SORCS1: variants seen among roughly 807,000 people sequenced by gnomAD.
SORCS1 encodes sortilin related VPS10 domain containing receptor 1, also known as VPS10 domain-containing receptor SorCS1.
SORCS1 carries 60 observed loss-of-function variants against 146.1 expected under a neutral mutation model. The ratio of observed to expected loss-of-function variants is 0.41; its 90% CI spans 0.33 to 0.51. SORCS1 has a LOEUF of 0.51. Ranked by LOEUF, SORCS1 falls within the 20% of genes least tolerant of loss-of-function variation. The pLI, the probability that SORCS1 is intolerant of heterozygous loss-of-function variation, is 0.21. For synonymous variants in SORCS1, 637 were observed against 584.0 expected, an observed-to-expected ratio of 1.09 and a Z score of -1.31; for missense variants, 1,352 against 1,487.6, an observed-to-expected ratio of 0.91 and a Z score of 1.50.
rs1335304863 is a variant in SORCS1 at position 106,576,432 on chromosome 10, T to A, written c.*988A>T. 1 of 152,210 alleles carries A rather than the reference T, an allele frequency of 6.6e-6. No individual in the cohort carries two copies. Among genetic ancestry groups the A allele is most frequent in the Non-Finnish European group, 1.5e-5 (1 of 68,068 alleles). 9.4% of individuals were successfully genotyped at this position (152,210 alleles called of 1,614,324 possible). ...GAAGAGATTCAAAGATATCAACAGA[T>A]CATGGTCACACATGGATGACAAACA... On this transcript the variant is annotated 3_prime_UTR_variant, in exon 26 of 26. Coordinates refer to ENST00000263054, the MANE Select transcript of SORCS1 (RefSeq NM_052918.5).
At chr10:106,999,003 G>A (rs1428589140) in intron 1 of SORCS1, among the ~76,000 whole-genome samples, 1 of 152,144 alleles carries the variant, frequency 6.6e-6, no homozygotes, top group African/African-American at 2.4e-5. Flanking sequence ...GTTGGTCAGA[G>A]GTGACTCTAA....
At position 107,010,574 on chromosome 10, in the gene SORCS1, A is replaced by G. The variant is rs189033575; in HGVS notation, c.559-53994T>C. ...AGATGTGTTTCTCCACCGCTTTGTG[A>G]CGTCAAGCTGCATCAGGCGTTTGCC... On this transcript the variant is annotated intron_variant, in intron 1 of 25. Transcript: ENST00000263054. 1.9e-3 allele frequency among the ~76,000 whole-genome samples: 291 copies of G among 152,284 alleles called. 1 individual carries two copies. The highest frequency in any genetic ancestry group is 6.7e-3 in the African/African-American group (277 of 41,542).
intron 2 of SORCS1, among the ~76,000 whole-genome samples, chr10:106,938,321 C>T (rs1291973134): frequency 1.3e-5 from 2 of 152,134 alleles, no homozygotes; most frequent in African/African-American, 2.4e-5. Context: ...GATCTTTGCC[C>T]TACTACAACG....
intron 1 of SORCS1, among the ~76,000 whole-genome samples, chr10:107,106,721 C>A (rs575782785): frequency 1.3e-5 from 2 of 152,054 alleles, no homozygotes; most frequent in Admixed American, 1.3e-4. Flanking sequence ...TATGCCCTCC[C>A]CTCCCAAATT....
intron 2 of SORCS1, among the ~76,000 whole-genome samples, chr10:106,837,633 C>T (rs1229748874): frequency 6.6e-6 from 1 of 150,462 alleles, no homozygotes; most frequent in Non-Finnish European, 1.5e-5. Flanking sequence ...ACAAATAAAT[C>T]TCTCAGTACT....
intron 2 of SORCS1, among the ~76,000 whole-genome samples, chr10:106,835,042 CTATT>C (rs543098538): frequency 1.3e-5 from 2 of 152,302 alleles, no homozygotes; most frequent in Non-Finnish European, 2.9e-5. Context: ...AAGTATGTCT[CTATT>C]TAAGTATTTA....
At chr10:106,930,155 G>A (rs930084000) in intron 2 of SORCS1, among the ~76,000 whole-genome samples, 4 of 152,198 alleles carry the variant, frequency 2.6e-5, no homozygotes, top group East Asian at 1.9e-4. Flanking sequence ...GGTGCTGAGC[G>A]CCTGCAGTCC....
intron 17 of SORCS1, among the ~76,000 whole-genome samples, chr10:106,662,998 A>G (rs1850851682): frequency 6.6e-6 from 1 of 152,204 alleles, no homozygotes. Context: ...TGGAATTTGC[A>G]TTATGAGCTA....
intron 17 of SORCS1, 60 bp downstream of exon 17, chr10:106,667,629 T>C: frequency 9.1e-7 from 1 of 1,102,572 alleles, no homozygotes; most frequent in South Asian, 1.3e-5. Context: ...TCTGTCAGTA[T>C]AACACGTGCT....
chr10:106,874,544 A>G (rs1157501368), intron 2 of SORCS1, among the ~76,000 whole-genome samples: 1 of 152,214 alleles, frequency 6.6e-6, no homozygotes, highest in Non-Finnish European at 1.5e-5. Context: ...AACCAATCTG[A>G]CTGTTGACAT....
intron 1 of SORCS1, among the ~76,000 whole-genome samples, chr10:107,043,641 G>C (rs1025984928): frequency 6.6e-6 from 1 of 151,924 alleles, no homozygotes; most frequent in Non-Finnish European, 1.5e-5. Context: ...GCTGTTCAAG[G>C]TCATCATGGC....
intron 1 of SORCS1, among the ~76,000 whole-genome samples, chr10:107,151,837 G>A (rs1462188420): frequency 6.6e-6 from 1 of 152,226 alleles, no homozygotes; most frequent in Admixed American, 6.5e-5. Flanking sequence ...AGAGGGAGCA[G>A]AGAAATTCTG....
At chr10:107,175,101 A>T in the SORCS1 span, among the ~76,000 whole-genome samples, 1 of 152,244 alleles carries the variant, frequency 6.6e-6, no homozygotes, top group South Asian at 2.1e-4. Context: ...TTCCTAGAAC[A>T]AACTCCACTT....
At chr10:106,803,157 C>T (rs1158983974) in intron 3 of SORCS1, among the ~76,000 whole-genome samples, 3 of 152,110 alleles carry the variant, frequency 2.0e-5, no homozygotes, top group Non-Finnish European at 4.4e-5. Context: ...CCTCTGCTCA[C>T]CAAACCAAAA....
At chr10:106,974,795 C>T (rs1955926114) in intron 1 of SORCS1, among the ~76,000 whole-genome samples, 1 of 152,164 alleles carries the variant, frequency 6.6e-6, no homozygotes, top group East Asian at 1.9e-4. Flanking sequence ...CTCTATTATC[C>T]CAGCTTTACG....
intron 3 of SORCS1, among the ~76,000 whole-genome samples, chr10:106,778,583 T>C (rs144287227): frequency 6.6e-6 from 1 of 152,306 alleles, no homozygotes; most frequent in African/African-American, 2.4e-5. Context: ...GAGTTCATAT[T>C]TATGAATACA....
At chr10:106,595,921 C>A (rs577076908) in intron 24 of SORCS1, among the ~76,000 whole-genome samples, 134 of 152,324 alleles carry the variant, frequency 8.8e-4, no homozygotes, top group African/African-American at 3.0e-3. Flanking sequence ...ATTTCCTATA[C>A]AGCTTTAGTT....
chr10:106,978,421 G>A (rs976419277), intron 1 of SORCS1, among the ~76,000 whole-genome samples: 8 of 152,150 alleles, frequency 5.3e-5, no homozygotes, highest in African/African-American at 1.9e-4. Context: ...GAGCACAGAG[G>A]TGACACATAC....
chr10:106,795,398 A>G (rs1331011057), intron 3 of SORCS1, among the ~76,000 whole-genome samples: 1 of 152,198 alleles, frequency 6.6e-6, no homozygotes, highest in Non-Finnish European at 1.5e-5. Flanking sequence ...TACATAGTAG[A>G]TACTTAACAG....
Sources: allele counts gnomAD v4.1 joint callset (sites outside exome capture counted in the v4.1 genomes callset), GRCh38; gene constraint gnomAD v4.1.1; transcripts MANE v1.5; gene names NCBI Gene and HGNC (gene_info 2026-07-23, HGNC 2026-07-21).